Variants in PUS7L observed in about 807,000 individuals in gnomAD.
PUS7L encodes pseudouridine synthase 7 like, also known as pseudouridylate synthase PUS7L.
In PUS7L, 49 loss-of-function variants were observed where a neutral mutation model predicts 51.1. The ratio of observed to expected loss-of-function variants is 0.96; its 90% CI spans 0.76 to 1.22. The LOEUF (loss-of-function observed/expected upper bound fraction) is 1.22. PUS7L is among the 50% of genes most tolerant of loss of function. The probability of loss-of-function intolerance (pLI) is 0.00; values close to 1 mark genes in which losing one functional copy is unlikely to be tolerated. For synonymous variants in PUS7L, 277 were observed against 276.2 expected (o/e 1.00, Z -0.03); for missense variants, 828 against 820.6 (o/e 1.01, Z -0.11).
intron 3 of PUS7L, among the ~76,000 whole-genome samples, chr12:43,748,194 T>G (rs973469903): frequency 6.6e-6 from 1 of 152,194 alleles, no homozygotes; most frequent in Non-Finnish European, 1.5e-5. Context: ...ACAAAAAAAT[T>G]TGTAAAATTT....
rs574523903 is a variant in PUS7L, at chr12:43,746,651, C to T, written c.1071-413G>A. ...TCCTGAAATTCTGCTCTGACCACTTCCTTACTCAAACTTTCAATTCTTCCC... is the reference window on the plus strand; with the variant it reads ...TCCTGAAATTCTGCTCTGACCACTTTCTTACTCAAACTTTCAATTCTTCCC... On this transcript the variant is annotated intron_variant, in intron 3 of 8. Transcript: ENST00000344862. Among the ~76,000 whole-genome samples the T allele has an allele frequency of 2.0e-5, 3 of 152,280 alleles. No individual in the cohort carries two copies. The South Asian group carries it at 6.2e-4, about 32-fold the overall frequency.
chr12:43,737,511 G>A (rs140982240), intron 6 of PUS7L, among the ~76,000 whole-genome samples: 68 of 151,044 alleles, frequency 4.5e-4, no homozygotes, highest in African/African-American at 1.3e-3. Context: ...TCAGTATGTC[G>A]GTCAGATATC....
In PUS7L at chr12:43,729,697, A is replaced by C. The variant is rs1402862289; in HGVS notation, c.*679T>G. On this transcript the variant is annotated 3_prime_UTR_variant, in exon 9 of 9. Transcript: ENST00000344862. ...TAAGTGTCAGAGCTAGAATCTAAGA[A>C]TGAATCTGTCTGACTCTAACACCTG... 1 of 152,980 alleles carries C rather than the reference A, an allele frequency of 6.5e-6. No individual in the cohort carries two copies. Among genetic ancestry groups the C allele is most frequent in the Non-Finnish European group, 1.5e-5 (1 of 68,570 alleles). The allele number at this position is 152,980 out of a possible 1,614,324, so 9.5% of individuals were successfully genotyped here.
chr12:43,753,889 G>A lies in PUS7L; in HGVS notation c.910+447C>T, dbSNP rs188099542. ...GTTTTCAGGTTCCCTACCTTGGGTA[G>A]GGAAATATAATTTGTTTTGGATTAC... On this transcript the variant is annotated intron_variant, in intron 2 of 8. Coordinates refer to ENST00000344862, the MANE Select transcript of PUS7L (RefSeq NM_031292.5). Among the ~76,000 whole-genome samples the A allele has an allele frequency of 2.0e-5, 3 of 152,206 alleles. No individual in the cohort carries two copies. The East Asian group carries it at 5.8e-4, about 29-fold the overall frequency.
chr12:43,728,988 T>A lies in PUS7L; in HGVS notation c.*1388A>T. On this transcript the variant is annotated 3_prime_UTR_variant, in exon 9 of 9. Transcript: ENST00000344862. ...CCAATATCTGTGCTTTTAATCACTA[T>A]GCTAACATGTCTCTTATTTGTGAAA... 1 of 349,790 alleles carries A rather than the reference T, an allele frequency of 2.9e-6. No individual in the cohort carries two copies. Among genetic ancestry groups the A allele is most frequent in the Non-Finnish European group, 5.1e-6 (1 of 194,526 alleles). The allele number at this position is 349,790 out of a possible 1,614,324, so 21.7% of individuals were successfully genotyped here. A position where few individuals can be genotyped will look rare whatever the true frequency, so the allele number is the denominator to read the frequency against.
rs557115607 is a variant in PUS7L, at chr12:43,751,451, G to C, written c.911-2842C>G. On this transcript the variant is annotated intron_variant, in intron 2 of 8. Transcript: ENST00000344862. ...CTATGAGTGAGAACATGCAGTGTTT[G>C]GTTTTTTGTCCTTGCGATAGTTTGC... Among the ~76,000 whole-genome samples, 8 of 150,846 alleles carry C rather than the reference G, an allele frequency of 5.3e-5. No homozygotes were observed. In the East Asian group the frequency reaches 1.2e-3, roughly 22 times the overall value.
intron 1 of PUS7L, 185 bp downstream of exon 1, chr12:43,758,545 T>C: frequency 1.0e-6 from 1 of 985,588 alleles, no homozygotes; most frequent in African/African-American, 1.7e-5. Context: ...CCAGCAGCTC[T>C]ACCTGTTTCT....
chr12:43,735,535 T>C (rs964668363), intron 7 of PUS7L, among the ~76,000 whole-genome samples: 2 of 152,008 alleles, frequency 1.3e-5, no homozygotes, highest in African/African-American at 4.8e-5. Flanking sequence ...CATTGTTCCA[T>C]ATACCATTAT....
At chr12:43,740,992 C>A (rs576222432) in intron 5 of PUS7L, 29 of 152,330 alleles carry the variant, frequency 1.9e-4, no homozygotes, top group East Asian at 7.7e-4. Flanking sequence ...AAACCCTGAT[C>A]CAGAGCCACT....
At position 43,748,513 on chromosome 12, in the gene PUS7L, C is replaced by T; in HGVS notation, c.1007G>A (p.Gly336Asp). Residue 336 changes from glycine to aspartate, a missense_variant, in exon 3 of 9, where the codon GGC becomes GAC. Physicochemically the swap from Gly to Asp is moderately conservative, Grantham distance 94 (BLOSUM62 -1). Transcript: ENST00000344862. ...GVIPSDFSYA[G>D]LKDKKAITYQ... ...GGTGATGGCTTTCTTGTCTTTAAGG[C>T]CTGCATAACTAAAATCCGAAGGAAT... 6.2e-7 allele frequency: 1 copy of T among 1,611,806 alleles called. No homozygotes were observed. Among genetic ancestry groups the T allele is most frequent in the Non-Finnish European group, 8.5e-7 (1 of 1,179,306 alleles).
Position 43,754,686 on chromosome 12 carries a change from AC to A in PUS7L, c.559del (p.Val187Ter). On this transcript the variant is annotated frameshift_variant, in exon 2 of 9. Transcript: ENST00000344862. LOFTEE classifies it high-confidence loss of function. ...AATTTCACTGTTTTTTCCTACAGTTACTAAAAATGGAAATTTCTGCCTAATG... is the reference window on the plus strand; with the variant it reads ...AATTTCACTGTTTTTTCCTACAGTTATAAAAATGGAAATTTCTGCCTAATG... The part of the protein sequence containing the change: ...SAIRQKFPFL[V>X]TVGKNSEIVV... The A allele has an allele frequency of 1.2e-6, 2 of 1,613,832 alleles. No homozygotes were observed. Among genetic ancestry groups the A allele is most frequent in the Non-Finnish European group, 1.7e-6 (2 of 1,179,818 alleles).
rs1490193465 is a variant in PUS7L at position 43,723,613 on chromosome 12, C to A, written c.*6763G>T. 1 of 151,994 alleles carries A rather than the reference C, an allele frequency of 6.6e-6. No homozygotes were observed. Among genetic ancestry groups the A allele is most frequent in the African/African-American group, 2.4e-5 (1 of 41,406 alleles). The allele number at this position is 151,994 out of a possible 1,614,324, so 9.4% of individuals were successfully genotyped here. A position where few individuals can be genotyped will look rare whatever the true frequency, so the allele number is the denominator to read the frequency against. On this transcript the variant is annotated 3_prime_UTR_variant, in exon 9 of 9. Coordinates refer to ENST00000344862, the MANE Select transcript of PUS7L (RefSeq NM_031292.5). ...AACAAGGGATATTAACACTGTTAAT[C>A]CCTCAAAGAAAGGGATATTATTTAT...
rs12318086 is a variant in PUS7L, at chr12:43,749,889, A to T, written c.911-1280T>A. Among the ~76,000 whole-genome samples, 6 of 152,010 alleles carry T rather than the reference A, an allele frequency of 3.9e-5. No homozygotes were observed. In the South Asian group the frequency reaches 6.2e-4, roughly 16 times the overall value. ...ATGGAAACAATAGACACTGGGGTCT[A>T]TAAGAGGTAGGAGGGAGGAAGGGCA... On this transcript the variant is annotated intron_variant, in intron 2 of 8. Transcript: ENST00000344862.
chr12:43,746,122 A>C lies in PUS7L; in HGVS notation c.1187T>G (p.Ile396Ser). 1 of 1,515,840 alleles carries C rather than the reference A, an allele frequency of 6.6e-7. No homozygotes were observed. The highest frequency in any genetic ancestry group is 9.1e-7 in the Non-Finnish European group (1 of 1,094,320). 93.9% of individuals were successfully genotyped at this position (1,515,840 alleles called of 1,614,324 possible). ...QLKGNHFDIV[I>S]RNLKKQINDS... ...ATTTATTTGTTTTTTTAAATTTCTA[A>C]TGACAATATCAAAGTGATTTCCTTT... The change falls in exon 4 of 9, where the codon ATT (isoleucine) becomes AGT (serine). Residue 396 changes from isoleucine (I) to serine (S), a missense_variant. By Grantham distance (142) the Ile-to-Ser change is moderately radical. Coordinates refer to ENST00000344862, the MANE Select transcript of PUS7L (RefSeq NM_031292.5).
In PUS7L at chr12:43,742,505, C is replaced by T. The variant is rs148445210; in HGVS notation, c.1314G>A (p.Arg438=). The stretch of plus-strand genomic sequence containing the variant: ...GTCCAATTTGGTCTGTGTGAACTTT[C>T]CTTCCCTTCCCAAATCTCTGTGGTC... ...YYGPQRFGKG[R]KVHTDQIGLA... is the part of the protein sequence containing the mutation. The change falls in exon 5 of 9, where the codon AGG becomes AGA. Residue 438 remains arginine, a synonymous_variant. Coordinates refer to ENST00000344862, the MANE Select transcript of PUS7L (RefSeq NM_031292.5). 431 of 1,609,808 alleles carry T rather than the reference C, an allele frequency of 2.7e-4. 1 individual carries two copies. Among genetic ancestry groups the T allele is most frequent in the Non-Finnish European group, 3.5e-4 (418 of 1,178,520 alleles).
chr12:43,758,179 T>C, intron 1 of PUS7L: 1 of 380,904 alleles, frequency 2.6e-6, no homozygotes, highest in African/African-American at 2.2e-5. Context: ...TGATCTTTTC[T>C]TTCTCCCAGA....
At chr12:43,741,785 CTT>C (rs1332764450) in intron 5 of PUS7L, among the ~76,000 whole-genome samples, 3 of 152,132 alleles carry the variant, frequency 2.0e-5, no homozygotes, top group Non-Finnish European at 2.9e-5. Context: ...CTCACAAAAT[CTT>C]TTACTGTTTC....
chr12:43,753,977 T>C (rs1938573561), intron 2 of PUS7L, among the ~76,000 whole-genome samples: 1 of 152,168 alleles, frequency 6.6e-6, no homozygotes, highest in Admixed American at 6.5e-5. Flanking sequence ...AAAACTTAAT[T>C]TTAATTGAGA....
At chr12:43,754,041 G>A (rs781504383) in intron 2 of PUS7L, among the ~76,000 whole-genome samples, 6 of 151,940 alleles carry the variant, frequency 3.9e-5, no homozygotes, top group Non-Finnish European at 7.4e-5. Flanking sequence ...TATTAAACAC[G>A]AACCAACTGC....
Sources: gnomAD v4.1 joint callset for allele counts (sites outside exome capture counted in the v4.1 genomes callset) on GRCh38, gnomAD v4.1.1 for gene constraint, MANE v1.5 for transcripts, NCBI Gene and HGNC (gene_info 2026-07-23, HGNC 2026-07-21) for gene names.